The following LHFPL2 variants were observed in gnomAD, a reference collection of about 807,000 sequenced individuals.
LHFPL2 encodes the protein LHFPL tetraspan subfamily member 2 protein.
In LHFPL2, 7 loss-of-function variants were observed where a neutral mutation model predicts 17.5. The observed-to-expected ratio is 0.40, with a 90% CI of 0.23 to 0.75. The LOEUF is 0.75. Among genes scored for constraint, LHFPL2 ranks in the 30% least tolerant of loss-of-function variants. The pLI, the probability that LHFPL2 is intolerant of heterozygous loss-of-function variation, is 0.37. For missense variants in LHFPL2, 241 were observed against 294.8 expected, an observed-to-expected ratio of 0.82 and a Z score of 1.34; for synonymous variants, 134 against 116.2, an observed-to-expected ratio of 1.15 and a Z score of -0.99.
intron 3 of LHFPL2, among the ~76,000 whole-genome samples, chr5:78,556,569 C>T (rs1756576875): frequency 6.6e-6 from 1 of 151,682 alleles, no homozygotes; most frequent in Non-Finnish European, 1.5e-5. Context: ...TAATAATATC[C>T]ATAAAAGGAT....
At chr5:78,611,450 C>T (rs1744420425) in intron 2 of LHFPL2, among the ~76,000 whole-genome samples, 1 of 152,162 alleles carries the variant, frequency 6.6e-6, no homozygotes, top group African/African-American at 2.4e-5. Context: ...AATTCACATT[C>T]CAGAGCTTAA....
intron 4 of LHFPL2, chr5:78,491,305 A>AT (rs1468996106): frequency 1.3e-5 from 2 of 152,356 alleles, no homozygotes; most frequent in Non-Finnish European, 2.9e-5. Context: ...GGCCCTCTCT[A>AT]TAGATCTGAA....
rs564423882 is a variant in LHFPL2 at position 78,579,563 on chromosome 5, A to G, written c.-244-14692T>C. Among the ~76,000 whole-genome samples, 454 of 152,010 alleles carry G rather than the reference A, an allele frequency of 3.0e-3. 3 individuals are homozygous for G. Among genetic ancestry groups the G allele is most frequent in the African/African-American group, 0.01 (434 of 41,438 alleles). On this transcript the variant is annotated intron_variant, in intron 2 of 4. Transcript: ENST00000380345. ...TGTGTCCATGTGTTCTCATTGTTCA[A>G]TTCCCACCTATGAGTGAGAATATGC...
At chr5:78,645,742 C>G (rs868830199) in intron 1 of LHFPL2, among the ~76,000 whole-genome samples, 6 of 152,046 alleles carry the variant, frequency 3.9e-5, no homozygotes, top group Admixed American at 1.3e-4. Context: ...GCCACCACAC[C>G]CGGCTAATTT....
chr5:78,558,692 T>C (rs1243466906), intron 3 of LHFPL2, among the ~76,000 whole-genome samples: 1 of 152,122 alleles, frequency 6.6e-6, no homozygotes, highest in Non-Finnish European at 1.5e-5. Flanking sequence ...TCTGATTGGA[T>C]AGAGGACCAG....
intron 2 of LHFPL2, among the ~76,000 whole-genome samples, chr5:78,624,270 TC>T (rs1370803168): frequency 5.9e-5 from 9 of 152,032 alleles, no homozygotes; most frequent in African/African-American, 1.9e-4. Flanking sequence ...CTGCCACACA[TC>T]CCCTGGAGAG....
chr5:78,512,497 T>C (rs1182412742), intron 3 of LHFPL2, among the ~76,000 whole-genome samples: 1 of 151,664 alleles, frequency 6.6e-6, no homozygotes, highest in Non-Finnish European at 1.5e-5. Flanking sequence ...GAAAGCCTTT[T>C]GAGAAAAAAG....
chr5:78,614,687 G>A (rs1744538982), intron 2 of LHFPL2, among the ~76,000 whole-genome samples: 1 of 152,086 alleles, frequency 6.6e-6, no homozygotes, highest in Non-Finnish European at 1.5e-5. Context: ...TACAGCTCAT[G>A]TTTAGAAAAA....
At chr5:78,537,908 G>A (rs551321396) in intron 3 of LHFPL2, among the ~76,000 whole-genome samples, 2 of 152,312 alleles carry the variant, frequency 1.3e-5, no homozygotes, top group African/African-American at 4.8e-5. Context: ...GGGAAACCTG[G>A]AAATGGCCAT....
At chr5:78,621,382 C>T (rs1236590948) in intron 2 of LHFPL2, among the ~76,000 whole-genome samples, 1 of 151,046 alleles carries the variant, frequency 6.6e-6, no homozygotes, top group East Asian at 2.0e-4. Flanking sequence ...CTCTAGACCT[C>T]TCCACCCATT....
intron 2 of LHFPL2, among the ~76,000 whole-genome samples, chr5:78,631,590 GC>G (rs1399974872): frequency 6.6e-6 from 1 of 151,886 alleles, no homozygotes; most frequent in East Asian, 1.9e-4. Flanking sequence ...TTGCTGCGAA[GC>G]AAAAAAAGGT....
At chr5:78,572,430 A>G (rs771011494) in intron 2 of LHFPL2, among the ~76,000 whole-genome samples, 16 of 151,376 alleles carry the variant, frequency 1.1e-4, no homozygotes, top group Non-Finnish European at 2.1e-4. Flanking sequence ...ACATATATAT[A>G]TATGTATGTA....
At chr5:78,581,174 T>C (rs1335171373) in intron 2 of LHFPL2, among the ~76,000 whole-genome samples, 1 of 152,176 alleles carries the variant, frequency 6.6e-6, no homozygotes, top group Non-Finnish European at 1.5e-5. Flanking sequence ...ATAAGAATGC[T>C]TGTGATTTTT....
At chr5:78,582,556 T>G (rs1743186305) in intron 2 of LHFPL2, among the ~76,000 whole-genome samples, 1 of 151,670 alleles carries the variant, frequency 6.6e-6, no homozygotes, top group Admixed American at 6.6e-5. Flanking sequence ...CAGTAGTCAT[T>G]CAGGAGCAGG....
rs376711084 is a variant in LHFPL2, at chr5:78,585,918, G to A, written c.-244-21047C>T. Among the ~76,000 whole-genome samples, 59 of 152,276 alleles carry A rather than the reference G, an allele frequency of 3.9e-4. 2 individuals carry two copies. The highest frequency in any genetic ancestry group is 8.3e-4 in the South Asian group (4 of 4,822). ...CTGCCACTAACAAGCAACACAAGCC[G>A]TTCACGTACTACCTCCCAGTGGCCT... is the stretch of plus-strand genomic sequence containing the variant. On this transcript the variant is annotated intron_variant, in intron 2 of 4. Transcript: ENST00000380345.
At chr5:78,524,454 A>C (rs1258719748) in intron 3 of LHFPL2, among the ~76,000 whole-genome samples, 2 of 152,214 alleles carry the variant, frequency 1.3e-5, no homozygotes, top group African/African-American at 4.8e-5. Flanking sequence ...GAATTGTTAG[A>C]TATCCGGCCA....
chr5:78,620,837 C>G (rs1477522322), intron 2 of LHFPL2, among the ~76,000 whole-genome samples: 2 of 152,186 alleles, frequency 1.3e-5, no homozygotes, highest in African/African-American at 4.8e-5. Flanking sequence ...AATGTGATTT[C>G]TCTCTATTTT....
rs1754205397 is a variant in LHFPL2, at chr5:78,485,415, CTGT to C, written c.*3479_*3481del. The C allele has an allele frequency of 1.3e-5, 2 of 152,614 alleles. No homozygotes were observed. The allele number at this position is 152,614 out of a possible 1,614,324, so 9.5% of individuals were successfully genotyped here. On this transcript the variant is annotated 3_prime_UTR_variant, in exon 5 of 5. Transcript: ENST00000380345. ...ACAATTTTATATTTGGCTCAAGTGG[CTGT>C]TGAATATCAAGTGGTGCCGAGTCCC...
At chr5:78,573,929 G>T (rs1430068387) in intron 2 of LHFPL2, among the ~76,000 whole-genome samples, 1 of 152,160 alleles carries the variant, frequency 6.6e-6, no homozygotes. Flanking sequence ...ATGAACACTT[G>T]TCTCATCAAA....
Sources: allele counts gnomAD v4.1 joint callset (sites outside exome capture counted in the v4.1 genomes callset), GRCh38; gene constraint gnomAD v4.1.1; transcripts MANE v1.5; gene names NCBI Gene and HGNC (gene_info 2026-07-23, HGNC 2026-07-21).